The following TSG101 variants were observed in gnomAD, a reference collection of about 807,000 sequenced individuals.
The protein encoded by TSG101 is tumor susceptibility 101.
In TSG101, 19 loss-of-function variants were observed where a neutral mutation model predicts 48.5. That is an observed-to-expected ratio of 0.39 (90% CI 0.27 to 0.58). The LOEUF (loss-of-function observed/expected upper bound fraction) is 0.58, where lower values mean the gene tolerates loss of function less well. TSG101 is among the 20% of genes least tolerant of loss of function. The pLI, the probability that TSG101 is intolerant of heterozygous loss-of-function variation, is 0.55. For synonymous variants in TSG101, 174 were observed against 169.4 expected, an observed-to-expected ratio of 1.03 and a Z score of -0.21; for missense variants, 365 against 484.4, an observed-to-expected ratio of 0.75 and a Z score of 2.31.
chr11:18,512,851 C>T (rs1183211054), intron 4 of TSG101, among the ~76,000 whole-genome samples: 5 of 151,790 alleles, frequency 3.3e-5, no homozygotes, highest in African/African-American at 4.8e-5. Context: ...CCTCAGCCTC[C>T]GGAGTAGCTG....
chr11:18,502,710 G>A, intron 6 of TSG101, 133 bp from the exon 7 acceptor site: 1 of 611,976 alleles, frequency 1.6e-6, no homozygotes, highest in Middle Eastern at 3.2e-4. Flanking sequence ...TCTTGGAGCT[G>A]CAAGTGTTTA....
intron 5 of TSG101, chr11:18,508,955 T>C (rs1850023025): frequency 6.6e-6 from 1 of 151,998 alleles, no homozygotes; most frequent in African/African-American, 2.4e-5. Context: ...TAAGTATCAG[T>C]AAGAATTATT....
At chr11:18,510,981 A>T (rs371008075) in intron 4 of TSG101, 3 of 152,142 alleles carry the variant, frequency 2.0e-5, no homozygotes, top group African/African-American at 7.2e-5. Flanking sequence ...TCTACCAACC[A>T]CTAATTAAGC....
At position 18,502,820 on chromosome 11, in the gene TSG101, A is replaced by G. The variant is rs1357191364; in HGVS notation, c.549-243T>C. ...TCCCAGTTATATGAGAGTCACCCTC[A>G]TAGCAGCGGAAATGTAACTAGAGTA... On this transcript the variant is annotated intron_variant, in intron 6 of 9. Transcript: ENST00000251968. Among the ~76,000 whole-genome samples, 23 of 152,232 alleles carry G rather than the reference A, an allele frequency of 1.5e-4. 1 individual carries two copies. Among genetic ancestry groups the G allele is most frequent in the Admixed American group, 1.5e-3 (23 of 15,278 alleles).
At chr11:18,513,073 C>G (rs7107677) in intron 4 of TSG101, among the ~76,000 whole-genome samples, 13,080 of 151,960 alleles carry the variant, frequency 0.086, 660 homozygotes, top group East Asian at 0.2. Context: ...TAAGTTCTCC[C>G]TCCTAAGATG....
chr11:18,483,491 CAA>C (rs35471524), intron 8 of TSG101, among the ~76,000 whole-genome samples: 2,823 of 107,658 alleles, frequency 0.026, 49 homozygotes, highest in African/African-American at 0.046. Context: ...GTGAAACTCT[CAA>C]AAAAAAAAAA....
At chr11:18,506,006 G>A (rs1203898145) in intron 6 of TSG101, among the ~76,000 whole-genome samples, 1 of 151,882 alleles carries the variant, frequency 6.6e-6, no homozygotes, top group African/African-American at 2.4e-5. Context: ...TAGTAGAGAT[G>A]GGGTTTCACT....
At chr11:18,503,772 G>A (rs1264626222) in intron 6 of TSG101, among the ~76,000 whole-genome samples, 2 of 152,138 alleles carry the variant, frequency 1.3e-5, no homozygotes, top group Non-Finnish European at 2.9e-5. Context: ...CCCTTACAAC[G>A]AAGAAGAAAA....
At chr11:18,496,739 T>C (rs1346484358) in intron 7 of TSG101, among the ~76,000 whole-genome samples, 1 of 151,700 alleles carries the variant, frequency 6.6e-6, no homozygotes, top group African/African-American at 2.4e-5. Flanking sequence ...GAGGTTGCAG[T>C]GGGCAGACAG....
chr11:18,487,182 C>T (rs1028635324), intron 7 of TSG101, among the ~76,000 whole-genome samples: 1 of 151,020 alleles, frequency 6.6e-6, no homozygotes, highest in African/African-American at 2.4e-5. Context: ...TTAGTAGGTG[C>T]AGCACAACAA....
intron 7 of TSG101, among the ~76,000 whole-genome samples, chr11:18,486,048 T>A (rs571590778): frequency 1.4e-4 from 22 of 152,196 alleles, no homozygotes; most frequent in Non-Finnish European, 2.4e-4. Flanking sequence ...GCCCTTCCCC[T>A]ATTCTGAGCC....
chr11:18,521,898 G>C (rs1850284433), intron 1 of TSG101, among the ~76,000 whole-genome samples: 2 of 151,944 alleles, frequency 1.3e-5, no homozygotes, highest in African/African-American at 2.4e-5. Flanking sequence ...GGCTAGTCTT[G>C]AATTTCTAGA....
chr11:18,509,761 A>G (rs1850047953), intron 4 of TSG101, 96 bp from the exon 5 acceptor site: 2 of 1,361,272 alleles, frequency 1.5e-6, no homozygotes, highest in South Asian at 1.8e-5. Context: ...ACTCAGCTTG[A>G]TAATTTTCTT....
In TSG101 at chr11:18,519,553, T is replaced by C. The variant is rs767941675; in HGVS notation, c.93A>G (p.Leu31=). ...TVRETVNVIT[L]YKDLKPVLDS... is the part of the protein sequence containing the mutation. The stretch of plus-strand genomic sequence containing the variant: ...CCAAAACAGGTTTGAGATCTTTGTA[T>C]AGAGTAATAACATTGACAGTTTCAC... The change falls in exon 2 of 10, where the codon CTA becomes CTG. Residue 31 remains leucine (L), a synonymous_variant. Transcript: ENST00000251968. 9 of 1,612,924 alleles carry C rather than the reference T, an allele frequency of 5.6e-6. No individual in the cohort carries two copies. The African/African-American group carries it at 6.7e-5, about 12-fold the overall frequency.
At chr11:18,521,267 T>C (rs1850268104) in intron 1 of TSG101, among the ~76,000 whole-genome samples, 1 of 151,840 alleles carries the variant, frequency 6.6e-6, no homozygotes. Context: ...AACTGCCACA[T>C]GATATGTAAT....
chr11:18,485,217 C>T (rs1284792821), intron 7 of TSG101, among the ~76,000 whole-genome samples: 2 of 152,142 alleles, frequency 1.3e-5, no homozygotes, highest in Admixed American at 6.6e-5. Context: ...TTAATGCTCT[C>T]GAACATCAGA....
chr11:18,524,486 G>A (rs1266071400), intron 1 of TSG101, among the ~76,000 whole-genome samples: 2 of 152,236 alleles, frequency 1.3e-5, no homozygotes, highest in Non-Finnish European at 2.9e-5. Flanking sequence ...CACACCAGCT[G>A]AAAGGAAAAC....
intron 7 of TSG101, among the ~76,000 whole-genome samples, chr11:18,500,865 G>A (rs1053621917): frequency 5.3e-5 from 8 of 151,802 alleles, no homozygotes; most frequent in Admixed American, 4.6e-4. Context: ...GTGCAGTGGT[G>A]CGATCTCAGC....
chr11:18,526,747 C>T, intron 1 of TSG101, 28 bp downstream of exon 1: 1 of 1,597,604 alleles, frequency 6.3e-7, no homozygotes, highest in African/African-American at 1.3e-5. Flanking sequence ...TGGGCGCGCC[C>T]TGGGAGGCGA....
Sources: gnomAD v4.1 joint callset for allele counts (sites outside exome capture counted in the v4.1 genomes callset) on GRCh38, gnomAD v4.1.1 for gene constraint, MANE v1.5 for transcripts, NCBI Gene and HGNC (gene_info 2026-07-23, HGNC 2026-07-21) for gene names.